Variants in ARHGEF10 observed in about 807,000 individuals in gnomAD.
ARHGEF10 encodes Rho guanine nucleotide exchange factor (GEF) 10.
In ARHGEF10, 140 loss-of-function variants were observed where a neutral mutation model predicts 147.4. The ratio of observed to expected loss-of-function variants is 0.95; its 90% CI spans 0.83 to 1.09. The LOEUF is 1.09. Among genes scored for constraint, ARHGEF10 ranks in the 50% least tolerant of loss-of-function variants. The probability of loss-of-function intolerance (pLI) is 0.00; values close to 1 mark genes in which losing one functional copy is unlikely to be tolerated. For missense variants in ARHGEF10, 2,222 were observed against 1,752.7 expected (o/e 1.27, Z -4.78); for synonymous variants, 902 against 695.8 (o/e 1.30, Z -4.67).
chr8:1,922,583 A>G (rs931135891), intron 18 of ARHGEF10, among the ~76,000 whole-genome samples: 7 of 152,150 alleles, frequency 4.6e-5, no homozygotes, highest in African/African-American at 1.4e-4. Flanking sequence ...CCTGGGCTGA[A>G]TCCGGGACTA....
chr8:1,909,330 G>A lies in ARHGEF10; in HGVS notation c.2003G>A (p.Arg668Lys). Reference protein sequence around the residue: ...SHDSRVMSSQRYLLKWSVPLG... With the variant: ...SHDSRVMSSQKYLLKWSVPLG... ...GACAGCCGTGTGATGAGCAGCCAGAGGTACTTGCTGAAGTGGAGCGTTCCA... is the reference window on the plus strand; with the variant it reads ...GACAGCCGTGTGATGAGCAGCCAGAAGTACTTGCTGAAGTGGAGCGTTCCA... The change falls in exon 18 of 29, where the codon AGG becomes AAG. Residue 668 changes from arginine to lysine, a missense_variant. By Grantham distance (26) the Arg-to-Lys change is conservative. Coordinates refer to ENST00000349830, the MANE Select transcript of ARHGEF10 (RefSeq NM_014629.4). 6.2e-7 allele frequency: 1 copy of A among 1,614,244 alleles called. No individual in the cohort carries two copies. The highest frequency in any genetic ancestry group is 8.5e-7 in the Non-Finnish European group (1 of 1,180,036).
intron 12 of ARHGEF10, 79 bp from the exon 13 acceptor site, chr8:1,894,314 C>A: frequency 6.7e-7 from 1 of 1,495,108 alleles, no homozygotes; most frequent in Non-Finnish European, 9.3e-7. Context: ...CGCACCACTG[C>A]GCTGCACCCT....
intron 9 of ARHGEF10, among the ~76,000 whole-genome samples, chr8:1,880,669 G>A (rs1264610203): frequency 6.6e-6 from 1 of 152,134 alleles, no homozygotes; most frequent in African/African-American, 2.4e-5. Flanking sequence ...AGCGTCCAGG[G>A]CCCCTGAGAC....
At chr8:1,900,356 C>T (rs1045317425) in intron 15 of ARHGEF10, among the ~76,000 whole-genome samples, 2 of 152,082 alleles carry the variant, frequency 1.3e-5, no homozygotes, top group Non-Finnish European at 2.9e-5. Flanking sequence ...CTGGGGAGGT[C>T]GTTGTCCCTT....
chr8:1,952,992 T>C (rs1344493977), intron 28 of ARHGEF10, among the ~76,000 whole-genome samples, 165 bp downstream of exon 28: 1 of 152,284 alleles, frequency 6.6e-6, no homozygotes, highest in East Asian at 1.9e-4. Flanking sequence ...ATTGGAATTA[T>C]CAATTTATAT....
intron 26 of ARHGEF10, among the ~76,000 whole-genome samples, chr8:1,944,278 T>C (rs954919699): frequency 1.3e-5 from 2 of 151,004 alleles, no homozygotes; most frequent in Non-Finnish European, 3.0e-5. Context: ...ACCCCAGCCC[T>C]GCGTGCCCAG....
At chr8:1,857,352 C>T (rs1423557365) in intron 2 of ARHGEF10, among the ~76,000 whole-genome samples, 1 of 152,038 alleles carries the variant, frequency 6.6e-6, no homozygotes, top group Non-Finnish European at 1.5e-5. Context: ...GGGTGATGTT[C>T]ATCTGCTGGG....
chr8:1,833,094 GCAGAGAGACAGAGACAGAGGC>G (rs1803331690), intron 1 of ARHGEF10, among the ~76,000 whole-genome samples: 1 of 1,062 alleles, frequency 9.4e-4, no homozygotes, highest in Non-Finnish European at 1.9e-3. Flanking sequence ...AGAGACAGAG[GCAGAGAGACAGAGACAGAGGC>G]AGAGAGAGAC....
At chr8:1,878,213 T>C (rs1585362911) in intron 8 of ARHGEF10, among the ~76,000 whole-genome samples, 1 of 151,936 alleles carries the variant, frequency 6.6e-6, no homozygotes, top group South Asian at 2.1e-4. Context: ...TTCTTTGAAA[T>C]GGAGTCTTGC....
chr8:1,883,388 G>C (rs1344240298), intron 10 of ARHGEF10, among the ~76,000 whole-genome samples: 1 of 152,026 alleles, frequency 6.6e-6, no homozygotes, highest in Non-Finnish European at 1.5e-5. Flanking sequence ...TGTCATACAG[G>C]GGTCGCTGTG....
At chr8:1,879,235 G>C (rs1807970358) in intron 8 of ARHGEF10, among the ~76,000 whole-genome samples, 5 of 152,088 alleles carry the variant, frequency 3.3e-5, no homozygotes, top group Admixed American at 3.3e-4. Flanking sequence ...AAGGATCCAG[G>C]GGGTCCCCAG....
intron 1 of ARHGEF10, 117 bp from the exon 2 acceptor site, chr8:1,843,236 G>T (rs960185089): frequency 2.8e-6 from 2 of 725,542 alleles, no homozygotes; most frequent in Non-Finnish European, 4.8e-6. Context: ...TCTAATTATG[G>T]CTAGTAATGA....
chr8:1,894,891 A>G (rs1308583470), intron 13 of ARHGEF10, among the ~76,000 whole-genome samples: 1 of 152,206 alleles, frequency 6.6e-6, no homozygotes, highest in African/African-American at 2.4e-5. Context: ...TTGTTGTTGA[A>G]CAAGGATGCC....
intron 26 of ARHGEF10, among the ~76,000 whole-genome samples, chr8:1,941,884 C>G (rs1274859564): frequency 2.6e-5 from 4 of 152,220 alleles, no homozygotes; most frequent in Non-Finnish European, 4.4e-5. Flanking sequence ...GCTGGCACAA[C>G]AGGTGCTGCT....
At chr8:1,871,216 C>G (rs1404413296) in intron 7 of ARHGEF10, 2 of 149,984 alleles carry the variant, frequency 1.3e-5, no homozygotes, top group African/African-American at 2.5e-5. Flanking sequence ...GCAAGTAGTT[C>G]CAGAATATGT....
intron 1 of ARHGEF10, among the ~76,000 whole-genome samples, chr8:1,825,653 G>A (rs1473335524): frequency 1.3e-5 from 2 of 152,030 alleles, no homozygotes; most frequent in Non-Finnish European, 1.5e-5. Flanking sequence ...CTGAAGGTGA[G>A]GTCTGAGTAC....
At chr8:1,888,236 G>A (rs1344156537) in intron 11 of ARHGEF10, among the ~76,000 whole-genome samples, 1 of 98,156 alleles carries the variant, frequency 1.0e-5, no homozygotes, top group African/African-American at 4.5e-5. Context: ...GAGACAGTGA[G>A]TGTGGTGAGG....
chr8:1,929,425 A>G lies in ARHGEF10; in HGVS notation c.3061A>G (p.Ser1021Gly), dbSNP rs1267810497. 4 of 1,609,616 alleles carry G rather than the reference A, an allele frequency of 2.5e-6. No individual in the cohort carries two copies. Among genetic ancestry groups the G allele is most frequent in the Non-Finnish European group, 3.4e-6 (4 of 1,178,042 alleles). The change falls in exon 25 of 29, where the codon AGC (serine) becomes GGC (glycine). Residue 1021 changes from serine to glycine, a missense_variant. Ser to Gly is a moderately conservative substitution (Grantham distance 56). Transcript: ENST00000349830. ...TGGCCTGGTCAACGGGGCAGTCGCC[A>G]GCTACGCCAGAGCCCCAGGTGAGGC... is the stretch of plus-strand genomic sequence containing the variant. ...YAGLVNGAVA[S>G]YARAPDGSWD... is the part of the protein sequence containing the mutation.
In ARHGEF10 at chr8:1,956,817, C is replaced by T. The variant is rs200779877; in HGVS notation, c.3589C>T (p.His1197Tyr). 522 of 1,613,974 alleles carry T rather than the reference C, an allele frequency of 3.2e-4. 3 individuals carry two copies. The highest frequency in any genetic ancestry group is 3.8e-4 in the Non-Finnish European group (451 of 1,180,052). ...VKFIVLATAL[H>Y]EKDKDKSRDS... The stretch of plus-strand genomic sequence containing the variant: ...ATTCATCGTCCTGGCCACGGCTCTG[C>T]ACGAGAAAGACAAGGACAAATCCAG... The change falls in exon 29 of 29, where the codon CAC (histidine) becomes TAC (tyrosine). Residue 1197 changes from histidine to tyrosine, a missense_variant. Coordinates refer to ENST00000349830, the MANE Select transcript of ARHGEF10 (RefSeq NM_014629.4).
Sources: allele counts gnomAD v4.1 joint callset (sites outside exome capture counted in the v4.1 genomes callset), GRCh38; gene constraint gnomAD v4.1.1; transcripts MANE v1.5; gene names NCBI Gene and HGNC (gene_info 2026-07-23, HGNC 2026-07-21).